The following PRKN variants were observed in gnomAD, a reference collection of about 807,000 sequenced individuals.
PRKN encodes the protein parkin RBR E3 ubiquitin protein ligase.
Under a neutral mutation model 59.5 loss-of-function variants are expected in PRKN, and 56 were observed. That is an observed-to-expected ratio of 0.94 (90% CI 0.76 to 1.18). The LOEUF (loss-of-function observed/expected upper bound fraction) is 1.18. PRKN is among the 50% of genes most tolerant of loss of function. The probability of loss-of-function intolerance (pLI) is 0.00; values close to 1 mark genes in which losing one functional copy is unlikely to be tolerated. For missense variants in PRKN, 657 were observed against 596.4 expected, an observed-to-expected ratio of 1.10 and a Z score of -1.06; for synonymous variants, 250 against 222.1, an observed-to-expected ratio of 1.13 and a Z score of -1.12.
At chr6:161,992,437 T>C (rs1245714764) in intron 5 of PRKN, among the ~76,000 whole-genome samples, 1 of 152,152 alleles carries the variant, frequency 6.6e-6, no homozygotes, top group Non-Finnish European at 1.5e-5. Flanking sequence ...GTGTACCCAA[T>C]AGCAGAGCAC....
At chr6:162,621,386 A>G (rs766717168) in intron 1 of PRKN, among the ~76,000 whole-genome samples, 25 of 152,174 alleles carry the variant, frequency 1.6e-4, no homozygotes, top group Admixed American at 3.9e-4. Context: ...TGAAAGACAC[A>G]TGGCTCAGCT....
intron 7 of PRKN, among the ~76,000 whole-genome samples, chr6:161,658,227 T>C (rs886085744): frequency 2.6e-5 from 4 of 152,126 alleles, no homozygotes; most frequent in African/African-American, 9.7e-5. Flanking sequence ...GAAATGCAAT[T>C]TCTTTCTGAG....
chr6:162,500,468 G>A lies in PRKN; in HGVS notation c.8-56995C>T, dbSNP rs938733200. Among the ~76,000 whole-genome samples, 11 of 152,262 alleles carry A rather than the reference G, an allele frequency of 7.2e-5. No homozygotes were observed. In the East Asian group the frequency reaches 7.7e-4, roughly 11 times the overall value. On this transcript the variant is annotated intron_variant, in intron 1 of 11. Coordinates refer to ENST00000366898, the MANE Select transcript of PRKN (RefSeq NM_004562.3). ...ATTACAGGCGTGAGCCACTGCGCCC[G>A]GCCCAAACAGCCATTCTTACTGCAC...
intron 7 of PRKN, among the ~76,000 whole-genome samples, chr6:161,764,491 ACAGTTC>A (rs1412067554): frequency 2.0e-5 from 3 of 152,326 alleles, no homozygotes; most frequent in African/African-American, 7.2e-5. Flanking sequence ...ACAGGATGCC[ACAGTTC>A]CATATATTTC....
At chr6:162,503,030 G>C (rs1179074055) in intron 1 of PRKN, among the ~76,000 whole-genome samples, 1 of 151,124 alleles carries the variant, frequency 6.6e-6, no homozygotes, top group Admixed American at 6.6e-5. Flanking sequence ...TATTGTATTT[G>C]GTGGACTGTT....
chr6:162,725,058 G>C (rs930946547), intron 1 of PRKN, among the ~76,000 whole-genome samples: 2 of 152,192 alleles, frequency 1.3e-5, no homozygotes, highest in Admixed American at 6.5e-5. Flanking sequence ...TTTGTGAAGT[G>C]TGTATAAAAG....
chr6:161,439,014 T>C lies in PRKN; in HGVS notation c.1084-52137A>G, dbSNP rs116834621. Among the ~76,000 whole-genome samples, 1,174 of 152,334 alleles carry C rather than the reference T, an allele frequency of 7.7e-3. 14 individuals are homozygous for C. The highest frequency in any genetic ancestry group is 0.027 in the African/African-American group (1,103 of 41,566). On this transcript the variant is annotated intron_variant, in intron 9 of 11. Coordinates refer to ENST00000366898, the MANE Select transcript of PRKN (RefSeq NM_004562.3). ...GAGTAGGCTATCTCAAGCTGATTGC[T>C]ACAGACTCAAATTTTAAGTCGCATT...
At position 161,379,035 on chromosome 6, in the gene PRKN, G is replaced by A. The variant is rs1192663088; in HGVS notation, c.1167+7759C>T. Among the ~76,000 whole-genome samples the A allele has an allele frequency of 1.3e-5, 2 of 152,170 alleles. No individual in the cohort carries two copies. The highest frequency in any genetic ancestry group is 2.9e-5 in the Non-Finnish European group (2 of 68,036). On this transcript the variant is annotated intron_variant, in intron 10 of 11. Transcript: ENST00000366898. This position sits in a 1 kb window ranked among gnomAD's most constrained non-coding sequence, Gnocchi z 4.9. ...ATGTTGCATTGCCAAGGGATTAGCA[G>A]GCTAGAAAGGGAGTTGCCATCCTGG...
At chr6:161,890,762 A>T (rs1795313763) in intron 6 of PRKN, among the ~76,000 whole-genome samples, 1 of 152,226 alleles carries the variant, frequency 6.6e-6, no homozygotes, top group African/African-American at 2.4e-5. Flanking sequence ...TGAATCTACA[A>T]GACAATTGGG....
At chr6:162,650,831 G>A (rs1778401009) in intron 1 of PRKN, among the ~76,000 whole-genome samples, 1 of 152,130 alleles carries the variant, frequency 6.6e-6, no homozygotes, top group African/African-American at 2.4e-5. Flanking sequence ...CAGTGAAGAT[G>A]ATCTATTAAT....
chr6:161,951,362 A>G (rs1313649921), intron 6 of PRKN, among the ~76,000 whole-genome samples: 2 of 152,094 alleles, frequency 1.3e-5, no homozygotes, highest in Non-Finnish European at 2.9e-5. Context: ...AATGGCCTGT[A>G]AACAAGCTCC....
intron 3 of PRKN, among the ~76,000 whole-genome samples, chr6:162,217,884 AG>A (rs1220919663): frequency 6.6e-6 from 1 of 152,142 alleles, no homozygotes; most frequent in Non-Finnish European, 1.5e-5. Flanking sequence ...CCCTGCTAAC[AG>A]CATCTAGGAA....
At chr6:162,545,107 A>C (rs1779067819) in intron 1 of PRKN, among the ~76,000 whole-genome samples, 2 of 151,440 alleles carry the variant, frequency 1.3e-5, no homozygotes, top group South Asian at 4.2e-4. Context: ...CAACATGGTG[A>C]AACCCTGTCT....
intron 7 of PRKN, among the ~76,000 whole-genome samples, chr6:161,620,726 A>G (rs9355356): frequency 0.68 from 102,767 of 152,098 alleles, 35,818 homozygotes; most frequent in African/African-American, 0.85. Context: ...CCAATGCGTG[A>G]ATATTTGAAC....
intron 1 of PRKN, among the ~76,000 whole-genome samples, chr6:162,704,179 C>A (rs1030826069): frequency 1.3e-5 from 2 of 152,138 alleles, no homozygotes; most frequent in African/African-American, 2.4e-5. Flanking sequence ...CTGGCCATGC[C>A]CTCCACCTGG....
chr6:162,491,716 C>A (rs1476788483), intron 1 of PRKN, among the ~76,000 whole-genome samples: 1 of 152,134 alleles, frequency 6.6e-6, no homozygotes, highest in Non-Finnish European at 1.5e-5. Context: ...GAGGCCCATT[C>A]GTCACAGCTC....
chr6:162,667,260 G>A (rs760184885), intron 1 of PRKN, among the ~76,000 whole-genome samples: 3 of 151,974 alleles, frequency 2.0e-5, no homozygotes, highest in Non-Finnish European at 4.4e-5. Flanking sequence ...AACAAGTCTT[G>A]CTTCCTTGCT....
intron 2 of PRKN, among the ~76,000 whole-genome samples, chr6:162,326,642 C>A (rs1179220049): frequency 6.6e-6 from 1 of 152,066 alleles, no homozygotes; most frequent in Non-Finnish European, 1.5e-5. Context: ...ATTCATAAAT[C>A]AATGATACTC....
At chr6:162,524,704 A>G (rs1778211657) in intron 1 of PRKN, among the ~76,000 whole-genome samples, 1 of 152,200 alleles carries the variant, frequency 6.6e-6, no homozygotes, top group Admixed American at 6.5e-5. Context: ...CTAGCTTAGG[A>G]AGACTAACTA....
Sources: allele counts gnomAD v4.1 joint callset (sites outside exome capture counted in the v4.1 genomes callset), GRCh38; gene constraint gnomAD v4.1.1; non-coding constraint Gnocchi (gnomAD v3.1); transcripts MANE v1.5; gene names NCBI Gene and HGNC (gene_info 2026-07-23, HGNC 2026-07-21).